The following LDAH variants were observed in gnomAD, a reference collection of about 807,000 sequenced individuals.
The protein encoded by LDAH is lipid droplet associated hydrolase.
LDAH carries 26 observed loss-of-function variants against 29.6 expected under a neutral mutation model. That is an observed-to-expected ratio of 0.88 (90% CI 0.64 to 1.22). LDAH has a LOEUF of 1.22. LDAH is among the 50% of genes most tolerant of loss of function. The pLI, the probability that LDAH is intolerant of heterozygous loss-of-function variation, is 0.00. For synonymous variants in LDAH, 117 were observed against 133.0 expected (o/e 0.88, Z 0.83); for missense variants, 344 against 387.3 (o/e 0.89, Z 0.94).
At chr2:20,733,552 C>T (rs116786918) in intron 5 of LDAH, among the ~76,000 whole-genome samples, 1,993 of 151,950 alleles carry the variant, frequency 0.013, 46 homozygotes, top group African/African-American at 0.046. Flanking sequence ...TACAGGTGTG[C>T]GACACCATGC....
rs576812724 is a variant in LDAH at position 20,795,798 on chromosome 2, G to A, written c.155-5400C>T. 6.6e-5 allele frequency among the ~76,000 whole-genome samples: 10 copies of A among 152,170 alleles called. No individual in the cohort carries two copies. The South Asian group carries it at 2.1e-3, about 32-fold the overall frequency. ...AAGTGAAGAATTAATTTTGCTAGCTGCAAAAGCAATGTGATTTAAAATGAA... is the reference window on the plus strand; with the variant it reads ...AAGTGAAGAATTAATTTTGCTAGCTACAAAAGCAATGTGATTTAAAATGAA... On this transcript the variant is annotated intron_variant, in intron 2 of 6. Transcript: ENST00000237822.
At chr2:20,781,651 G>A (rs1670205486) in intron 3 of LDAH, among the ~76,000 whole-genome samples, 1 of 152,216 alleles carries the variant, frequency 6.6e-6, no homozygotes. Context: ...AGCCTTCACA[G>A]AACTTTTGAG....
At chr2:20,721,760 A>T (rs773078624) in intron 5 of LDAH, among the ~76,000 whole-genome samples, 1 of 152,194 alleles carries the variant, frequency 6.6e-6, no homozygotes, top group Non-Finnish European at 1.5e-5. Context: ...GAACTACCAC[A>T]TAGTTCAGTT....
rs994924810 is a variant in LDAH at position 20,740,141 on chromosome 2, A to G, written c.533T>C (p.Ile178Thr). The G allele has an allele frequency of 1.2e-6, 2 of 1,614,054 alleles. No homozygotes were observed. Among genetic ancestry groups the G allele is most frequent in the African/African-American group, 1.3e-5 (1 of 74,934 alleles). Residue 178 changes from isoleucine (I) to threonine (T), a missense_variant, in exon 5 of 7, where the codon ATT becomes ACT. Physicochemically the swap from Ile to Thr is moderately conservative, Grantham distance 89 (BLOSUM62 -1). Transcript: ENST00000237822. ...ERMSESPNGRIATPLLCWFRY... is the reference protein window; with the variant it reads ...ERMSESPNGRTATPLLCWFRY... Reference sequence around the variant, plus strand: ...AAACCAGCACAAAAGTGGAGTGGCAATTCTGCCATTGGGTGACTCAGACAT... The same window carrying G: ...AAACCAGCACAAAAGTGGAGTGGCAGTTCTGCCATTGGGTGACTCAGACAT...
intron 1 of LDAH, among the ~76,000 whole-genome samples, chr2:20,811,240 G>C (rs914107766): frequency 7.2e-5 from 11 of 151,892 alleles, no homozygotes; most frequent in Non-Finnish European, 1.6e-4. Flanking sequence ...GGATGGTGTC[G>C]ATCTCCTGAC....
intron 3 of LDAH, chr2:20,788,919 T>G (rs1422129199): frequency 1.5e-5 from 7 of 463,384 alleles, no homozygotes; most frequent in Non-Finnish European, 1.1e-5. Flanking sequence ...TTCTCACAGA[T>G]TTAAAGGAGG....
intron 6 of LDAH, among the ~76,000 whole-genome samples, chr2:20,689,773 G>T (rs967928075): frequency 6.6e-6 from 1 of 152,176 alleles, no homozygotes; most frequent in Non-Finnish European, 1.5e-5. Flanking sequence ...TGAGAAATCT[G>T]GAAAGTCAGA....
chr2:20,778,890 G>A (rs1669991691), intron 3 of LDAH, among the ~76,000 whole-genome samples: 3 of 150,988 alleles, frequency 2.0e-5, no homozygotes, highest in African/African-American at 7.3e-5. Flanking sequence ...AAGCAAAACA[G>A]TTTAAATTTA....
rs375188338 is a variant in LDAH at position 20,731,066 on chromosome 2, C to T, written c.703+8905G>A. Among the ~76,000 whole-genome samples the T allele has an allele frequency of 6.6e-5, 10 of 152,268 alleles. No individual in the cohort carries two copies. In the East Asian group the frequency reaches 1.2e-3, roughly 18 times the overall value. ...CAAATACATTTTAGAATAATCATGT[C>T]GATAGCTACAAAAAAATCTTGCTCG... On this transcript the variant is annotated intron_variant, in intron 5 of 6. Coordinates refer to ENST00000237822, the MANE Select transcript of LDAH (RefSeq NM_021925.4).
intron 1 of LDAH, among the ~76,000 whole-genome samples, chr2:20,811,086 C>T (rs1324715117): frequency 1.3e-5 from 2 of 151,162 alleles, no homozygotes; most frequent in African/African-American, 4.9e-5. Flanking sequence ...GGCGCGATCT[C>T]GGCTCACTGC....
chr2:20,744,683 C>T (rs1186022916), intron 4 of LDAH, among the ~76,000 whole-genome samples: 3 of 152,144 alleles, frequency 2.0e-5, no homozygotes, highest in Admixed American at 6.6e-5. Context: ...TTCACCTTCC[C>T]CCTGCCAGAA....
chr2:20,804,935 A>T (rs1671957540), intron 1 of LDAH, among the ~76,000 whole-genome samples: 1 of 152,140 alleles, frequency 6.6e-6, no homozygotes, highest in Admixed American at 6.5e-5. Flanking sequence ...ATTCTCCAAA[A>T]CTATCACAAA....
chr2:20,780,813 CG>C (rs1205246188), intron 3 of LDAH, among the ~76,000 whole-genome samples: 8 of 152,140 alleles, frequency 5.3e-5, no homozygotes, highest in African/African-American at 1.4e-4. Flanking sequence ...CACAGATTTA[CG>C]TGCTTTCATT....
chr2:20,735,809 G>C (rs1380997515), intron 5 of LDAH, among the ~76,000 whole-genome samples: 8 of 152,138 alleles, frequency 5.3e-5, no homozygotes, highest in Admixed American at 5.2e-4. Flanking sequence ...GCTCCTCATA[G>C]CTGCTGGGTA....
chr2:20,810,971 T>C (rs907694935), intron 1 of LDAH, among the ~76,000 whole-genome samples: 1 of 151,646 alleles, frequency 6.6e-6, no homozygotes, highest in African/African-American at 2.4e-5. Context: ...TGTGGAAAAA[T>C]TGACTTCCAC....
intron 4 of LDAH, among the ~76,000 whole-genome samples, chr2:20,768,269 A>G (rs1313133201): frequency 1.3e-5 from 2 of 152,190 alleles, no homozygotes. Flanking sequence ...GCAGCACTTC[A>G]GGGAGCCCAG....
intron 4 of LDAH, among the ~76,000 whole-genome samples, chr2:20,745,499 A>C (rs2124864304): frequency 6.6e-6 from 1 of 152,246 alleles, no homozygotes; most frequent in African/African-American, 2.4e-5. Context: ...TTAAATTTCT[A>C]AGACAGTAGA....
At position 20,739,970 on chromosome 2, in the gene LDAH, C is replaced by G. The variant is rs1667059512; in HGVS notation, c.703+1G>C. 29 of 1,607,186 alleles carry G rather than the reference C, an allele frequency of 1.8e-5. No homozygotes were observed. Among genetic ancestry groups the G allele is most frequent in the Non-Finnish European group, 2.5e-5 (29 of 1,174,140 alleles). ...ATACACATTTTAAAATCTGTGCTTA[C>G]CAAGGCAGAATGGTTCTAATATATT... On this transcript the variant is annotated splice_donor_variant, in intron 5 of 6. Coordinates refer to ENST00000237822, the MANE Select transcript of LDAH (RefSeq NM_021925.4). LOFTEE classifies it high-confidence loss of function.
chr2:20,785,775 T>A (rs776366791), intron 3 of LDAH, among the ~76,000 whole-genome samples: 19 of 152,228 alleles, frequency 1.2e-4, no homozygotes, highest in Non-Finnish European at 2.5e-4. Flanking sequence ...GCCCACTGAT[T>A]TTTTCCTCAG....
Sources: allele counts gnomAD v4.1 joint callset (sites outside exome capture counted in the v4.1 genomes callset), GRCh38; gene constraint gnomAD v4.1.1; transcripts MANE v1.5; gene names NCBI Gene and HGNC (gene_info 2026-07-23, HGNC 2026-07-21).